Variants in RBFOX1 observed in about 807,000 individuals in gnomAD.
RBFOX1 encodes the protein RNA binding protein fox-1 homolog 1.
A neutral mutation model predicts 57.7 loss-of-function variants in RBFOX1; 8 were observed. The observed-to-expected ratio is 0.14, with a 90% confidence interval of 0.08 to 0.25. RBFOX1 has a LOEUF of 0.25. RBFOX1 is among the 10% of genes least tolerant of loss of function. The pLI is 1.00. For missense variants in RBFOX1, 611 were observed against 548.5 expected (o/e 1.11, Z -1.14); for synonymous variants, 326 against 222.4 (o/e 1.47, Z -4.15).
At chr16:5,986,588 T>C (rs2060291300) in intron 4 of RBFOX1, among the ~76,000 whole-genome samples, 1 of 152,224 alleles carries the variant, frequency 6.6e-6, no homozygotes, top group South Asian at 2.1e-4. Flanking sequence ...GTTGTCTGTA[T>C]CTAAAATGTT....
At chr16:6,684,663 A>G (rs539240913) in intron 3 of RBFOX1, among the ~76,000 whole-genome samples, 1 of 152,302 alleles carries the variant, frequency 6.6e-6, no homozygotes, top group South Asian at 2.1e-4. Flanking sequence ...TCAGTGTCTT[A>G]GAAGTTGATC....
intron 3 of RBFOX1, among the ~76,000 whole-genome samples, chr16:6,789,819 C>T (rs975864287): frequency 1.1e-4 from 17 of 152,006 alleles, no homozygotes; most frequent in African/African-American, 3.9e-4. Flanking sequence ...CATTTTCTGT[C>T]TTTGTGCTTT....
chr16:7,192,518 C>CT (rs2085667137), intron 4 of RBFOX1, among the ~76,000 whole-genome samples: 1 of 152,102 alleles, frequency 6.6e-6, no homozygotes, highest in Admixed American at 6.6e-5. Context: ...TATTGAGGTA[C>CT]TGAAGCATCA....
At chr16:5,956,148 C>T (rs1300459459) in intron 4 of RBFOX1, among the ~76,000 whole-genome samples, 2 of 151,996 alleles carry the variant, frequency 1.3e-5, no homozygotes, top group Non-Finnish European at 2.9e-5. Flanking sequence ...TGGTGGCGCG[C>T]ACCTGTACCC....
intron 4 of RBFOX1, among the ~76,000 whole-genome samples, chr16:7,126,867 G>C (rs1309367720): frequency 6.6e-6 from 1 of 151,920 alleles, no homozygotes; most frequent in African/African-American, 2.4e-5. Context: ...AAATGAGCTG[G>C]ATGTGGTGGC....
intron 11 of RBFOX1, among the ~76,000 whole-genome samples, chr16:7,646,803 C>A (rs978312758): frequency 2.0e-5 from 3 of 152,066 alleles, no homozygotes; most frequent in Non-Finnish European, 4.4e-5. Context: ...TGTGTTTTTT[C>A]TCTTGGGATT....
At chr16:6,851,462 A>T (rs1290864269) in intron 3 of RBFOX1, among the ~76,000 whole-genome samples, 2 of 152,208 alleles carry the variant, frequency 1.3e-5, no homozygotes, top group African/African-American at 4.8e-5. Flanking sequence ...TATCTCAAAA[A>T]GTTTAATTTT....
chr16:7,691,749 A>G (rs2077389380), intron 14 of RBFOX1, among the ~76,000 whole-genome samples: 1 of 152,158 alleles, frequency 6.6e-6, no homozygotes, highest in South Asian at 2.1e-4. Context: ...AATTGCAGAA[A>G]GGGAACACAA....
At chr16:7,012,151 C>G (rs984974297) in intron 3 of RBFOX1, among the ~76,000 whole-genome samples, 1 of 152,184 alleles carries the variant, frequency 6.6e-6, no homozygotes, top group Non-Finnish European at 1.5e-5. Context: ...TAGGATGAGA[C>G]TATGATCACT....
intron 2 of RBFOX1, among the ~76,000 whole-genome samples, chr16:5,518,008 A>G (rs1035517026): frequency 2.7e-4 from 41 of 151,786 alleles, no homozygotes; most frequent in African/African-American, 9.7e-4. Context: ...CCCAGTGTTG[A>G]CTTAAATTAT....
At chr16:7,056,126 A>G (rs1259384367) in intron 4 of RBFOX1, among the ~76,000 whole-genome samples, 2 of 152,160 alleles carry the variant, frequency 1.3e-5, no homozygotes, top group Admixed American at 1.3e-4. Context: ...GGCATCGTGC[A>G]TTAGTAACCA....
intron 2 of RBFOX1, among the ~76,000 whole-genome samples, chr16:6,635,099 A>G (rs2098421233): frequency 3.2e-5 from 3 of 93,426 alleles, no homozygotes; most frequent in Admixed American, 1.1e-4. Context: ...TATATATTAT[A>G]TATAAAGTAT....
At chr16:6,585,029 T>C (rs555784636) in intron 2 of RBFOX1, among the ~76,000 whole-genome samples, 6 of 152,270 alleles carry the variant, frequency 3.9e-5, no homozygotes, top group Admixed American at 3.9e-4. Flanking sequence ...AGGCAGAACC[T>C]GGTCAAGGCT....
At chr16:6,428,576 T>C (rs1366534926) in intron 2 of RBFOX1, among the ~76,000 whole-genome samples, 3 of 152,180 alleles carry the variant, frequency 2.0e-5, no homozygotes, top group African/African-American at 7.2e-5. Flanking sequence ...AGGGTTGTTA[T>C]GGTGATTCTA....
intron 4 of RBFOX1, among the ~76,000 whole-genome samples, chr16:5,949,525 CAAAAAAAAAAAA>C (rs59221283): frequency 3.1e-5 from 1 of 32,300 alleles, no homozygotes; most frequent in Admixed American, 3.8e-4. Context: ...GAGTCCATCT[CAAAAAAAAAAAA>C]AAAAAAAAGA....
intron 4 of RBFOX1, among the ~76,000 whole-genome samples, chr16:5,938,514 C>T (rs1168603732): frequency 6.6e-6 from 1 of 152,162 alleles, no homozygotes. Context: ...CCCAATTCTC[C>T]ATACCTCCCT....
At chr16:5,505,197 A>T (rs535997318) in intron 2 of RBFOX1, among the ~76,000 whole-genome samples, 1 of 152,146 alleles carries the variant, frequency 6.6e-6, no homozygotes, top group East Asian at 1.9e-4. Flanking sequence ...CTCTTGTATG[A>T]CCCCTTCTTG....
intron 1 of RBFOX1, among the ~76,000 whole-genome samples, chr16:5,440,453 C>T (rs2068050695): frequency 6.6e-6 from 1 of 152,122 alleles, no homozygotes; most frequent in South Asian, 2.1e-4. Flanking sequence ...GTTGTTTTAG[C>T]CTCAGCCCAA....
At chr16:7,154,985 A>G (rs2076800882) in intron 4 of RBFOX1, among the ~76,000 whole-genome samples, 2 of 152,154 alleles carry the variant, frequency 1.3e-5, no homozygotes, top group East Asian at 3.9e-4. Flanking sequence ...TAATATTTTG[A>G]CTTGAATTAG....
Sources: allele counts gnomAD v4.1 joint callset (sites outside exome capture counted in the v4.1 genomes callset), GRCh38; gene constraint gnomAD v4.1.1; transcripts MANE v1.5; gene names NCBI Gene and HGNC (gene_info 2026-07-23, HGNC 2026-07-21).